The following ANK3 variants were observed in gnomAD, a reference collection of about 807,000 sequenced individuals.
ANK3 encodes ankyrin 3.
Under a neutral mutation model 370.9 loss-of-function variants are expected in ANK3, and 57 were observed. The ratio of observed to expected loss-of-function variants is 0.15; its 90% CI spans 0.12 to 0.19. ANK3 has a LOEUF of 0.19. Among genes scored for constraint, ANK3 ranks in the 10% least tolerant of loss-of-function variants. ANK3 has a pLI of 1.00. For synonymous variants in ANK3, 1,929 were observed against 1,946.3 expected (o/e 0.99, Z 0.23); for missense variants, 4,439 against 5,302.1 (o/e 0.84, Z 5.06).
At chr10:60,124,817 T>G (rs2093675258) in intron 25 of ANK3, among the ~76,000 whole-genome samples, 1 of 152,200 alleles carries the variant, frequency 6.6e-6, no homozygotes, top group Non-Finnish European at 1.5e-5. Flanking sequence ...GACAAGCTAT[T>G]TAACTGGACA....
chr10:60,628,065 T>C (rs1268339924), intron 1 of ANK3, among the ~76,000 whole-genome samples: 2 of 152,304 alleles, frequency 1.3e-5, no homozygotes, highest in African/African-American at 4.8e-5. Context: ...ATAATATTTG[T>C]AATGTATTCT....
intron 1 of ANK3, among the ~76,000 whole-genome samples, chr10:60,714,281 C>G (rs1387501228): frequency 6.6e-6 from 1 of 152,176 alleles, no homozygotes; most frequent in Non-Finnish European, 1.5e-5. Flanking sequence ...AAGCATCATT[C>G]CCAGATGGGT....
chr10:60,044,286 T>C (rs892651427), intron 42 of ANK3: 3 of 984,896 alleles, frequency 3.0e-6, no homozygotes, highest in Non-Finnish European at 3.6e-6. Flanking sequence ...TGAGGTTGCC[T>C]TCTTCATCAG....
At chr10:60,699,434 T>C (rs61517540) in intron 1 of ANK3, among the ~76,000 whole-genome samples, 1,639 of 152,232 alleles carry the variant, frequency 0.011, 28 homozygotes, top group African/African-American at 0.037. Context: ...AAATTTTACT[T>C]TTTAAAAACA....
intron 2 of ANK3, among the ~76,000 whole-genome samples, chr10:60,499,912 C>G (rs572896257): frequency 6.6e-6 from 1 of 152,258 alleles, no homozygotes; most frequent in Non-Finnish European, 1.5e-5. Flanking sequence ...ACCCCCAAGC[C>G]CCATCCTATA....
chr10:60,550,881 A>G (rs998163993), intron 2 of ANK3, among the ~76,000 whole-genome samples: 4 of 152,086 alleles, frequency 2.6e-5, no homozygotes, highest in African/African-American at 9.7e-5. Context: ...CTTCTGCTTA[A>G]TACATCAACC....
At chr10:60,314,625 G>T (rs1191172256) in intron 1 of ANK3, among the ~76,000 whole-genome samples, 1 of 152,048 alleles carries the variant, frequency 6.6e-6, no homozygotes, top group Non-Finnish European at 1.5e-5. Context: ...AGCATAACTG[G>T]GACTGAAAAC....
chr10:60,327,015 C>CAAAAAAAAAAAAAAAAAAAA (rs986368110), intron 1 of ANK3, among the ~76,000 whole-genome samples: 9 of 143,046 alleles, frequency 6.3e-5, no homozygotes, highest in South Asian at 2.2e-4. Flanking sequence ...GACTCCGTCT[C>CAAAAAAAAAAAAAAAAAAAA]AAAAAAAAAA....
intron 23 of ANK3, among the ~76,000 whole-genome samples, chr10:60,151,575 C>A (rs1206594473): frequency 7.0e-6 from 1 of 142,680 alleles, no homozygotes; most frequent in Non-Finnish European, 1.6e-5. Flanking sequence ...AGGACAGATA[C>A]AATGCAGAGG....
At chr10:60,307,649 C>A (rs1206723075) in intron 1 of ANK3, among the ~76,000 whole-genome samples, 1 of 152,066 alleles carries the variant, frequency 6.6e-6, no homozygotes, top group Non-Finnish European at 1.5e-5. Context: ...CTATGATGTA[C>A]TTTTAAATGA....
intron 8 of ANK3, among the ~76,000 whole-genome samples, chr10:60,230,630 C>T (rs991574245): frequency 2.6e-5 from 4 of 152,162 alleles, no homozygotes; most frequent in African/African-American, 4.8e-5. Context: ...GTGGCTCACG[C>T]CTGTAATCCC....
intron 1 of ANK3, among the ~76,000 whole-genome samples, chr10:60,727,405 C>T (rs1346346878): frequency 6.6e-6 from 1 of 152,172 alleles, no homozygotes; most frequent in African/African-American, 2.4e-5. Flanking sequence ...AGAGATCAGA[C>T]TGGCAGTCTC....
chr10:60,323,220 C>A, intron 1 of ANK3, among the ~76,000 whole-genome samples: 1 of 152,150 alleles, frequency 6.6e-6, no homozygotes, highest in East Asian at 1.9e-4. Flanking sequence ...ACAGAAGATA[C>A]CTCAAAACAA....
At chr10:60,694,390 C>G (rs1417050340) in intron 1 of ANK3, among the ~76,000 whole-genome samples, 2 of 152,154 alleles carry the variant, frequency 1.3e-5, no homozygotes, top group Non-Finnish European at 2.9e-5. Flanking sequence ...GCAGGAAATA[C>G]AGATAACACC....
intron 14 of ANK3, among the ~76,000 whole-genome samples, chr10:60,197,241 T>C (rs6479698): frequency 0.78 from 118,447 of 152,154 alleles, 46,262 homozygotes; most frequent in East Asian, 0.85. Context: ...AATGACGACG[T>C]CTATTCTGTA....
chr10:60,139,454 C>T, intron 23 of ANK3: 1 of 186,902 alleles, frequency 5.4e-6, no homozygotes, highest in Non-Finnish European at 1.1e-5. Context: ...TTTGAATGGA[C>T]ATGGATTACA....
chr10:60,613,070 A>G (rs972543868), intron 2 of ANK3, among the ~76,000 whole-genome samples: 2 of 152,212 alleles, frequency 1.3e-5, no homozygotes, highest in African/African-American at 2.4e-5. Context: ...AAGGTTTAAG[A>G]TAAACTAAAA....
chr10:60,154,163 A>C (rs1161138381), intron 23 of ANK3, among the ~76,000 whole-genome samples: 4 of 152,236 alleles, frequency 2.6e-5, no homozygotes, highest in Non-Finnish European at 5.9e-5. Context: ...TTCAGGCAAA[A>C]GGCTAAATGA....
intron 1 of ANK3, among the ~76,000 whole-genome samples, chr10:60,346,597 C>T (rs1387293992): frequency 6.7e-6 from 1 of 149,106 alleles, no homozygotes; most frequent in Non-Finnish European, 1.5e-5. Flanking sequence ...GGTTATCACA[C>T]ATTGTTAGAG....
Sources: gnomAD v4.1 joint callset for allele counts (sites outside exome capture counted in the v4.1 genomes callset) on GRCh38, gnomAD v4.1.1 for gene constraint, MANE v1.5 for transcripts, NCBI Gene and HGNC (gene_info 2026-07-23, HGNC 2026-07-21) for gene names.